Variants in USH2A observed in about 807,000 individuals in gnomAD.
USH2A encodes usherin.
In USH2A, 443 loss-of-function variants were observed where a neutral mutation model predicts 538.9. That is an observed-to-expected ratio of 0.82 (90% CI 0.76 to 0.89). USH2A has a LOEUF of 0.89. Among genes scored for constraint, USH2A ranks in the 40% least tolerant of loss-of-function variants. The pLI, the probability that USH2A is intolerant of heterozygous loss-of-function variation, is 0.00. For missense variants in USH2A, 6,633 were observed against 6,324.8 expected, an observed-to-expected ratio of 1.05 and a Z score of -1.65; for synonymous variants, 2,413 against 2,273.5, an observed-to-expected ratio of 1.06 and a Z score of -1.75.
At chr1:216,004,884 GATGCAGA>G (rs1201057078) in intron 32 of USH2A, among the ~76,000 whole-genome samples, 1 of 152,128 alleles carries the variant, frequency 6.6e-6, no homozygotes, top group East Asian at 1.9e-4. Flanking sequence ...AATGGGAGGG[GATGCAGA>G]CTATGTGGGT....
At chr1:215,680,051 T>C (rs2102671550) in intron 62 of USH2A, 98 bp downstream of exon 62, 1 of 1,211,090 alleles carries the variant, frequency 8.3e-7, no homozygotes, top group East Asian at 2.3e-5. Flanking sequence ...AAACAGGCTG[T>C]GAAGGGAGTT....
chr1:215,966,991 GTCTT>G (rs1362645273), intron 36 of USH2A, among the ~76,000 whole-genome samples: 3 of 152,036 alleles, frequency 2.0e-5, no homozygotes, highest in Non-Finnish European at 4.4e-5. Context: ...CTCTGACCTG[GTCTT>G]TCTTTTTCAT....
At chr1:215,800,677 A>G (rs1662299182) in intron 49 of USH2A, among the ~76,000 whole-genome samples, 1 of 152,176 alleles carries the variant, frequency 6.6e-6, no homozygotes, top group African/African-American at 2.4e-5. Context: ...ATTTAATTAA[A>G]CATAGATATA....
intron 37 of USH2A, among the ~76,000 whole-genome samples, chr1:215,942,296 C>T (rs140143712): frequency 6.6e-6 from 1 of 152,082 alleles, no homozygotes; most frequent in African/African-American, 2.4e-5. Flanking sequence ...AAGAGGGAGT[C>T]TTCTAGCAAG....
chr1:215,814,005 G>C, intron 48 of USH2A, 101 bp from the exon 49 acceptor site: 1 of 1,293,366 alleles, frequency 7.7e-7, no homozygotes, highest in South Asian at 1.3e-5. Flanking sequence ...AGGCATAGAA[G>C]ATCTGAGACC....
chr1:216,164,334 C>T (rs1035017535), intron 21 of USH2A, among the ~76,000 whole-genome samples: 1 of 151,858 alleles, frequency 6.6e-6, no homozygotes, highest in Non-Finnish European at 1.5e-5. Flanking sequence ...AAAATGGCAC[C>T]AATATTATTT....
intron 30 of USH2A, among the ~76,000 whole-genome samples, chr1:216,054,643 C>A (rs2030911810): frequency 6.6e-6 from 1 of 152,168 alleles, no homozygotes; most frequent in South Asian, 2.1e-4. Flanking sequence ...TTACATACTT[C>A]AGCAGACTCC....
At chr1:216,399,220 C>T (rs1012333472) in intron 3 of USH2A, among the ~76,000 whole-genome samples, 8 of 152,168 alleles carry the variant, frequency 5.3e-5, no homozygotes, top group African/African-American at 1.9e-4. Flanking sequence ...AGAGTCAGGG[C>T]TCATCAGCAC....
intron 14 of USH2A, among the ~76,000 whole-genome samples, 165 bp from the exon 15 acceptor site, chr1:216,217,715 A>C (rs569410591): frequency 3.2e-4 from 49 of 152,254 alleles, no homozygotes; most frequent in Admixed American, 4.6e-4. Context: ...CATAAAATAA[A>C]GGAAAATAGA....
At chr1:216,370,697 A>AAAAAAAAAAAAAAAAAAAAAAC (rs2038696541) in intron 3 of USH2A, among the ~76,000 whole-genome samples, 1 of 150,770 alleles carries the variant, frequency 6.6e-6, no homozygotes, top group Non-Finnish European at 1.5e-5. Flanking sequence ...AAAAAAAAAA[A>AAAAAAAAAAAAAAAAAAAAAAC]AAAAATACTC....
At chr1:216,286,559 A>G (rs2036889247) in intron 11 of USH2A, among the ~76,000 whole-genome samples, 1 of 151,640 alleles carries the variant, frequency 6.6e-6, no homozygotes, top group Admixed American at 6.6e-5. Flanking sequence ...CTAAAAATAC[A>G]AAAAAAAGAA....
intron 3 of USH2A, among the ~76,000 whole-genome samples, chr1:216,374,581 G>A (rs148285361): frequency 6.6e-6 from 1 of 152,126 alleles, no homozygotes; most frequent in African/African-American, 2.4e-5. Context: ...CATTTTGCGA[G>A]CAGATACTTC....
At chr1:215,735,695 T>C (rs1660136329) in intron 60 of USH2A, among the ~76,000 whole-genome samples, 1 of 152,058 alleles carries the variant, frequency 6.6e-6, no homozygotes, top group Non-Finnish European at 1.5e-5. Context: ...AGACATTTTT[T>C]TATATACATA....
chr1:215,628,816 GTCCAC>G lies in USH2A; in HGVS notation c.15512_15516del (p.Ser5171ThrfsTer5). Reference sequence around the variant, plus strand: ...CCTGTATGAGGAAACCAACTCACCAGTCCACTGTTGTGGCCCATGATGGCTTCCCA... The same window carrying G: ...CCTGTATGAGGAAACCAACTCACCAGTGTTGTGGCCCATGATGGCTTCCCA... On this transcript the variant is annotated frameshift_variant, in exon 71 of 72. Coordinates refer to ENST00000307340, the MANE Select transcript of USH2A (RefSeq NM_206933.4). LOFTEE classifies it high-confidence loss of function. 6.2e-7 allele frequency: 1 copy of G among 1,614,114 alleles called. No homozygotes were observed. The highest frequency in any genetic ancestry group is 1.3e-5 in the African/African-American group (1 of 75,060).
At chr1:216,003,995 T>G (rs1668333806) in intron 32 of USH2A, among the ~76,000 whole-genome samples, 1 of 152,160 alleles carries the variant, frequency 6.6e-6, no homozygotes, top group Admixed American at 6.5e-5. Flanking sequence ...GATTTCCCAG[T>G]GCATTGTAGG....
chr1:216,059,060 A>G (rs890746455), intron 30 of USH2A, among the ~76,000 whole-genome samples: 2 of 152,164 alleles, frequency 1.3e-5, no homozygotes, highest in African/African-American at 4.8e-5. Context: ...ACGGCGTTGA[A>G]TTACAGTCAT....
intron 32 of USH2A, among the ~76,000 whole-genome samples, chr1:216,009,113 C>A (rs575500013): frequency 3.9e-5 from 6 of 152,010 alleles, no homozygotes; most frequent in African/African-American, 1.4e-4. Flanking sequence ...TATTTCCACA[C>A]CCTGACCTCT....
intron 32 of USH2A, among the ~76,000 whole-genome samples, chr1:216,037,013 G>A (rs940229190): frequency 1.3e-5 from 2 of 152,108 alleles, no homozygotes; most frequent in African/African-American, 4.8e-5. Flanking sequence ...ATTTTTGTAA[G>A]TGATGATACC....
At chr1:216,261,391 T>C (rs1046228727) in intron 11 of USH2A, among the ~76,000 whole-genome samples, 10 of 149,752 alleles carry the variant, frequency 6.7e-5, no homozygotes, top group Non-Finnish European at 1.5e-4. Context: ...TAGGTAGAAG[T>C]ATTGTTAGAG....
Sources: gnomAD v4.1 joint callset for allele counts (sites outside exome capture counted in the v4.1 genomes callset) on GRCh38, gnomAD v4.1.1 for gene constraint, MANE v1.5 for transcripts, NCBI Gene and HGNC (gene_info 2026-07-23, HGNC 2026-07-21) for gene names.